Variants in ADD3 observed in about 807,000 individuals in gnomAD.
The protein encoded by ADD3 is adducin 3.
Under a neutral mutation model 80.2 loss-of-function variants are expected in ADD3, and 25 were observed. The observed-to-expected ratio is 0.31, with a 90% CI of 0.23 to 0.44. The LOEUF (loss-of-function observed/expected upper bound fraction) is 0.44, where lower values mean the gene tolerates loss of function less well. Ranked by LOEUF, ADD3 falls within the 20% of genes least tolerant of loss-of-function variation. The pLI is 1.00. For missense variants in ADD3, 829 were observed against 847.5 expected (o/e 0.98, Z 0.27); for synonymous variants, 284 against 289.6 (o/e 0.98, Z 0.20).
intron 1 of ADD3, among the ~76,000 whole-genome samples, chr10:109,999,391 C>T (rs74542460): frequency 6.6e-6 from 1 of 152,262 alleles, no homozygotes; most frequent in South Asian, 2.1e-4. Flanking sequence ...TCACCTAAGG[C>T]CCTTCTCCTC....
chr10:110,072,566 T>G (rs1464618469), intron 1 of ADD3, among the ~76,000 whole-genome samples: 2 of 152,102 alleles, frequency 1.3e-5, no homozygotes, highest in Non-Finnish European at 2.9e-5. Flanking sequence ...AGGCTTTTCT[T>G]TACAAATCCG....
intron 12 of ADD3, among the ~76,000 whole-genome samples, chr10:110,128,301 T>G (rs1412942822): frequency 1.3e-5 from 2 of 151,952 alleles, no homozygotes; most frequent in Non-Finnish European, 2.9e-5. Context: ...AGCCTCTGAT[T>G]TTTTTCTTTT....
At chr10:110,112,735 A>G in intron 2 of ADD3, 42 bp from the exon 3 acceptor site, 1 of 1,586,098 alleles carries the variant, frequency 6.3e-7, no homozygotes, top group Admixed American at 1.8e-5. Flanking sequence ...CTTTTGGGCC[A>G]TTCAGTCTTG....
chr10:110,026,478 C>T (rs1425337300), intron 1 of ADD3, among the ~76,000 whole-genome samples: 2 of 152,004 alleles, frequency 1.3e-5, no homozygotes, highest in South Asian at 4.1e-4. Context: ...TGGGGTGTCT[C>T]CATGTTGGTC....
chr10:110,103,201 A>G (rs1172766355), intron 2 of ADD3, among the ~76,000 whole-genome samples: 2 of 152,260 alleles, frequency 1.3e-5, no homozygotes, highest in African/African-American at 4.8e-5. Flanking sequence ...AACTTCACCA[A>G]GGGAAATGAT....
At chr10:110,032,739 C>T (rs1466485325) in intron 1 of ADD3, among the ~76,000 whole-genome samples, 1 of 152,184 alleles carries the variant, frequency 6.6e-6, no homozygotes, top group Non-Finnish European at 1.5e-5. Flanking sequence ...ACTTCTCTGG[C>T]TTTCCTTCCT....
chr10:110,117,976 A>G (rs1177324498), intron 5 of ADD3, among the ~76,000 whole-genome samples: 2 of 149,174 alleles, frequency 1.3e-5, no homozygotes, highest in African/African-American at 2.5e-5. Flanking sequence ...AGATCGCACC[A>G]TTGCACTCCA....
intron 1 of ADD3, among the ~76,000 whole-genome samples, chr10:110,000,170 T>C (rs1045967531): frequency 3.3e-5 from 5 of 152,218 alleles, no homozygotes; most frequent in Admixed American, 2.0e-4. Flanking sequence ...TCCGCCCACC[T>C]TGGCCTCCCA....
chr10:110,084,099 G>A (rs1846403955), intron 1 of ADD3, among the ~76,000 whole-genome samples: 1 of 152,136 alleles, frequency 6.6e-6, no homozygotes. Context: ...CTTCAAGCTG[G>A]AATTTAAAAT....
At chr10:110,089,177 TA>T (rs1218034171) in intron 1 of ADD3, among the ~76,000 whole-genome samples, 2 of 150,564 alleles carry the variant, frequency 1.3e-5, no homozygotes, top group Admixed American at 6.6e-5. Flanking sequence ...AAAATAAAAA[TA>T]AAAAAAAAGC....
chr10:110,079,563 CTT>C (rs34455634), intron 1 of ADD3, among the ~76,000 whole-genome samples: 1 of 125,608 alleles, frequency 8.0e-6, no homozygotes, highest in Non-Finnish European at 1.7e-5. Flanking sequence ...TACTCTTTTC[CTT>C]TTTTTTTTGA....
At chr10:110,060,115 C>T (rs1016422068) in intron 1 of ADD3, among the ~76,000 whole-genome samples, 1 of 152,222 alleles carries the variant, frequency 6.6e-6, no homozygotes, top group Non-Finnish European at 1.5e-5. Flanking sequence ...TCCTGTTCAG[C>T]TGAGAAGATA....
chr10:110,054,556 C>T (rs1166428038), intron 1 of ADD3, among the ~76,000 whole-genome samples: 1 of 150,958 alleles, frequency 6.6e-6, no homozygotes, highest in Non-Finnish European at 1.5e-5. Flanking sequence ...ATTCTCCTGC[C>T]TCAGCCTGCG....
intron 8 of ADD3, 40 bp from the exon 9 acceptor site, chr10:110,122,070 T>C (rs1435829242): frequency 1.3e-5 from 20 of 1,552,166 alleles, no homozygotes; most frequent in Non-Finnish European, 1.4e-5. Flanking sequence ...TTACAGTCTT[T>C]ATAGTTTTGT....
chr10:110,051,962 T>G (rs1857566202), intron 1 of ADD3, among the ~76,000 whole-genome samples: 1 of 152,058 alleles, frequency 6.6e-6, no homozygotes, highest in Non-Finnish European at 1.5e-5. Context: ...CCATCATGGC[T>G]AAGTTTAAAT....
chr10:110,072,382 T>C (rs958732118), intron 1 of ADD3, among the ~76,000 whole-genome samples: 4 of 152,270 alleles, frequency 2.6e-5, no homozygotes, highest in African/African-American at 9.6e-5. Flanking sequence ...ATAATATTTT[T>C]TAAACTCCTT....
intron 1 of ADD3, among the ~76,000 whole-genome samples, chr10:110,031,512 A>T (rs983739971): frequency 6.6e-6 from 1 of 152,168 alleles, no homozygotes; most frequent in Non-Finnish European, 1.5e-5. Context: ...TTCTAGAACC[A>T]GTGTTCTTTC....
intron 8 of ADD3, 96 bp from the exon 9 acceptor site, chr10:110,122,014 A>G (rs1443087575): frequency 9.2e-7 from 1 of 1,087,448 alleles, no homozygotes; most frequent in Non-Finnish European, 1.3e-6. Context: ...AGTATTATAG[A>G]TATTTGCCAA....
chr10:110,079,465 T>A (rs1035650859), intron 1 of ADD3, among the ~76,000 whole-genome samples: 3,446 of 115,674 alleles, frequency 0.03, 34 homozygotes, highest in Non-Finnish European at 0.036. Flanking sequence ...AGAGAGAGTG[T>A]GTGTGTGTGT....
Sources: gnomAD v4.1 joint callset for allele counts (sites outside exome capture counted in the v4.1 genomes callset) on GRCh38, gnomAD v4.1.1 for gene constraint, MANE v1.5 for transcripts, NCBI Gene and HGNC (gene_info 2026-07-23, HGNC 2026-07-21) for gene names.